The following HK1 variants were observed in gnomAD, a reference collection of about 807,000 sequenced individuals.
HK1 encodes the protein hexokinase-1.
In HK1, 28 loss-of-function variants were observed where a neutral mutation model predicts 91.6. The observed-to-expected ratio is 0.31, with a 90% CI of 0.23 to 0.42. The LOEUF (loss-of-function observed/expected upper bound fraction) is 0.42, where lower values mean the gene tolerates loss of function less well. Ranked by LOEUF, HK1 falls within the 10% of genes least tolerant of loss-of-function variation. The probability of loss-of-function intolerance (pLI) is 1.00; values close to 1 mark genes in which losing one functional copy is unlikely to be tolerated. For missense variants in HK1, 770 were observed against 1,219.8 expected (o/e 0.63, Z 5.49); for synonymous variants, 430 against 468.1 (o/e 0.92, Z 1.05).
Position 69,396,704 on chromosome 10 carries a change from G to A in HK1, c.2375+1599G>A, listed in dbSNP as rs182846213. On this transcript the variant is annotated intron_variant, in intron 16 of 17. Transcript: ENST00000359426. ...TTTTTTTATTTTTATTTTTTGAGAC[G>A]GAGTTTCACTCTTGTTGGCCAGGCT... Among the ~76,000 whole-genome samples the A allele has an allele frequency of 1.1e-4, 16 of 152,060 alleles. No individual in the cohort carries two copies. In the East Asian group the frequency reaches 1.7e-3, roughly 17 times the overall value.
chr10:69,350,896 C>T (rs1163468114), intron 2 of HK1, among the ~76,000 whole-genome samples: 8 of 151,420 alleles, frequency 5.3e-5, no homozygotes, highest in South Asian at 2.1e-4. Flanking sequence ...GCTGGCCGGG[C>T]GCCGTGGCTC....
chr10:69,273,430 A>T (rs980708349), intron 1 of HK1, among the ~76,000 whole-genome samples: 7 of 152,090 alleles, frequency 4.6e-5, no homozygotes, highest in African/African-American at 1.2e-4. Flanking sequence ...GTCAGCCAGG[A>T]TGGTCTCCAT....
chr10:69,386,050 T>A (rs528178700), intron 12 of HK1, among the ~76,000 whole-genome samples: 4 of 152,316 alleles, frequency 2.6e-5, no homozygotes, highest in African/African-American at 9.6e-5. Context: ...CAGTATTGAG[T>A]GCCGTCTTTG....
intron 1 of HK1, among the ~76,000 whole-genome samples, chr10:69,333,294 C>T (rs992912963): frequency 6.6e-6 from 1 of 152,202 alleles, no homozygotes; most frequent in African/African-American, 2.4e-5. Context: ...GTAAACCTGT[C>T]TGCACTCAGA....
chr10:69,339,344 C>T (rs926065666), intron 1 of HK1, among the ~76,000 whole-genome samples: 3 of 152,222 alleles, frequency 2.0e-5, no homozygotes, highest in Admixed American at 1.3e-4. Context: ...TTCTGATCTC[C>T]CGAGGACCAG....
chr10:69,306,790 G>A (rs908557444), intron 5 of HK1, among the ~76,000 whole-genome samples: 1 of 152,198 alleles, frequency 6.6e-6, no homozygotes. Context: ...AGCAAATTGT[G>A]AGGGAAGCCC....
At chr10:69,378,559 C>T (rs1160148644) in intron 8 of HK1, among the ~76,000 whole-genome samples, 1 of 152,130 alleles carries the variant, frequency 6.6e-6, no homozygotes, top group East Asian at 1.9e-4. Flanking sequence ...CCCAAAATAT[C>T]TACAGACAAA....
intron 4 of HK1, among the ~76,000 whole-genome samples, chr10:69,297,709 A>G (rs909084520): frequency 6.1e-5 from 9 of 148,702 alleles, no homozygotes; most frequent in African/African-American, 2.1e-4. Context: ...AGCCTGGCCA[A>G]CACGGTAAAA....
At chr10:69,331,712 A>C (rs954687268) in intron 1 of HK1, among the ~76,000 whole-genome samples, 24 of 152,094 alleles carry the variant, frequency 1.6e-4, no homozygotes, top group Admixed American at 3.3e-4. Flanking sequence ...TCATCTCTGC[A>C]AATAATTAAA....
In HK1 at chr10:69,377,065, C is replaced by A. The variant is rs1839151316; in HGVS notation, c.1007C>A (p.Thr336Asn). The change falls in exon 8 of 18, where the codon ACC (threonine) becomes AAC (asparagine). Residue 336 changes from threonine (T) to asparagine (N), a missense_variant. Transcript: ENST00000359426. ...PELLTRGKFN[T>N]SDVSAIEKNK... ...CTGCTCACCCGAGGGAAGTTTAACACCAGTGATGTGTCAGCCATCGAAAAG... is the reference window on the plus strand; with the variant it reads ...CTGCTCACCCGAGGGAAGTTTAACAACAGTGATGTGTCAGCCATCGAAAAG... The A allele has an allele frequency of 1.2e-6, 2 of 1,614,058 alleles. No homozygotes were observed. The highest frequency in any genetic ancestry group is 1.7e-6 in the Non-Finnish European group (2 of 1,180,040).
chr10:69,372,307 T>C (rs186234064), intron 7 of HK1, among the ~76,000 whole-genome samples: 256 of 152,318 alleles, frequency 1.7e-3, no homozygotes, highest in Non-Finnish European at 2.1e-3. Context: ...CCAGGTCTCA[T>C]TGAGAACAAT....
At chr10:69,362,565 C>T (rs1359561261) in intron 3 of HK1, among the ~76,000 whole-genome samples, 1 of 152,028 alleles carries the variant, frequency 6.6e-6, no homozygotes, top group African/African-American at 2.4e-5. Context: ...AGGCTTGTCA[C>T]CCTGGATCAC....
chr10:69,395,222 T>A, intron 16 of HK1, 117 bp downstream of exon 16: 1 of 911,874 alleles, frequency 1.1e-6, no homozygotes, highest in Non-Finnish European at 1.7e-6. Flanking sequence ...TGAGGATTTT[T>A]TTTCCTCTGG....
chr10:69,306,217 G>A (rs1004864907), intron 5 of HK1, among the ~76,000 whole-genome samples: 2 of 151,984 alleles, frequency 1.3e-5, no homozygotes, highest in Non-Finnish European at 2.9e-5. Context: ...AATTAGCCAC[G>A]CATTGTGGCG....
At chr10:69,396,082 G>A (rs1394664878) in intron 16 of HK1, among the ~76,000 whole-genome samples, 1 of 151,954 alleles carries the variant, frequency 6.6e-6, no homozygotes, top group Non-Finnish European at 1.5e-5. Flanking sequence ...GACCAGCCTG[G>A]TTAACATGGC....
intron 3 of HK1, among the ~76,000 whole-genome samples, chr10:69,360,787 C>T (rs1849380157): frequency 6.6e-6 from 1 of 152,154 alleles, no homozygotes; most frequent in African/African-American, 2.4e-5. Context: ...TCAGGCAGCC[C>T]ACTGCAGGTT....
chr10:69,297,677 C>T (rs1203222439), intron 4 of HK1, among the ~76,000 whole-genome samples: 1 of 148,490 alleles, frequency 6.7e-6, no homozygotes, highest in Non-Finnish European at 1.5e-5. Context: ...GGCGTATCAC[C>T]TGAGGTCGGG....
intron 4 of HK1, among the ~76,000 whole-genome samples, chr10:69,299,484 A>G (rs1845741740): frequency 6.6e-6 from 1 of 151,012 alleles, no homozygotes; most frequent in Non-Finnish European, 1.5e-5. Context: ...CTCCTGTCTC[A>G]GCCTCCCGAG....
chr10:69,309,790 T>C (rs1391661802), intron 5 of HK1, among the ~76,000 whole-genome samples: 2 of 150,806 alleles, frequency 1.3e-5, no homozygotes, highest in East Asian at 4.0e-4. Flanking sequence ...CTCACTCCTG[T>C]AATCCTAGCA....
Sources: allele counts gnomAD v4.1 joint callset (sites outside exome capture counted in the v4.1 genomes callset), GRCh38; gene constraint gnomAD v4.1.1; transcripts MANE v1.5; gene names NCBI Gene and HGNC (gene_info 2026-07-23, HGNC 2026-07-21).